The following PHKB variants were observed in gnomAD, a reference collection of about 807,000 sequenced individuals.
PHKB encodes phosphorylase b kinase regulatory subunit beta.
A neutral mutation model predicts 152.1 loss-of-function variants in PHKB; 122 were observed. That is an observed-to-expected ratio of 0.80 (90% confidence interval 0.69 to 0.93). The LOEUF is 0.93. Among genes scored for constraint, PHKB ranks in the 40% least tolerant of loss-of-function variants. PHKB has a pLI of 0.00. For missense variants in PHKB, 1,304 were observed against 1,328.4 expected (o/e 0.98, Z 0.29); for synonymous variants, 436 against 464.9 (o/e 0.94, Z 0.80).
chr16:47,524,445 GCTGT>G (rs1171817558), intron 6 of PHKB, among the ~76,000 whole-genome samples: 1 of 152,060 alleles, frequency 6.6e-6, no homozygotes, highest in Admixed American at 6.6e-5. Context: ...ACTTTTAATG[GCTGT>G]CTGACATTCT....
At chr16:47,496,114 TA>T (rs1179890126) in intron 1 of PHKB, among the ~76,000 whole-genome samples, 1 of 151,944 alleles carries the variant, frequency 6.6e-6, no homozygotes, top group African/African-American at 2.4e-5. Flanking sequence ...AACAGAATCT[TA>T]ATCTGTGCCA....
intron 6 of PHKB, among the ~76,000 whole-genome samples, chr16:47,517,501 C>T (rs1322131190): frequency 1.3e-5 from 2 of 152,260 alleles, no homozygotes; most frequent in East Asian, 3.9e-4. Flanking sequence ...AAGCAATCAG[C>T]CCACCTCAGT....
intron 4 of PHKB, among the ~76,000 whole-genome samples, chr16:47,506,766 G>C (rs1970426774): frequency 1.3e-5 from 2 of 152,156 alleles, no homozygotes; most frequent in African/African-American, 4.8e-5. Context: ...GAGAAGAATT[G>C]TTTTGGGCCA....
intron 6 of PHKB, among the ~76,000 whole-genome samples, chr16:47,544,337 C>T (rs984727087): frequency 2.6e-5 from 4 of 152,142 alleles, no homozygotes; most frequent in East Asian, 1.9e-4. Context: ...GCCTTCATTT[C>T]GTTATGTACC....
chr16:47,577,498 T>G (rs1057294800), intron 7 of PHKB, among the ~76,000 whole-genome samples: 6 of 152,176 alleles, frequency 3.9e-5, no homozygotes, highest in African/African-American at 1.4e-4. Flanking sequence ...TTTAAAAAAT[T>G]ACCTTTCTGT....
At chr16:47,622,198 A>G (rs1972629111) in intron 14 of PHKB, among the ~76,000 whole-genome samples, 1 of 152,194 alleles carries the variant, frequency 6.6e-6, no homozygotes, top group African/African-American at 2.4e-5. Context: ...AAGGAAAGAA[A>G]TCTCAGTTAT....
intron 14 of PHKB, among the ~76,000 whole-genome samples, chr16:47,639,947 G>A (rs1972987609): frequency 6.6e-6 from 1 of 152,070 alleles, no homozygotes; most frequent in Non-Finnish European, 1.5e-5. Flanking sequence ...TTAATTGTGA[G>A]GTCTTTATCA....
chr16:47,560,319 G>T (rs1396383801), intron 7 of PHKB, among the ~76,000 whole-genome samples: 1 of 152,198 alleles, frequency 6.6e-6, no homozygotes, highest in African/African-American at 2.4e-5. Flanking sequence ...GCAAAGAAAT[G>T]TTGAGAGATA....
chr16:47,681,818 G>A (rs980159897), intron 26 of PHKB, among the ~76,000 whole-genome samples: 1 of 152,186 alleles, frequency 6.6e-6, no homozygotes, highest in Non-Finnish European at 1.5e-5. Flanking sequence ...TCATTATGAT[G>A]TTAGCTGGTT....
intron 14 of PHKB, among the ~76,000 whole-genome samples, chr16:47,640,724 A>T (rs1973003325): frequency 6.6e-6 from 1 of 152,158 alleles, no homozygotes; most frequent in African/African-American, 2.4e-5. Context: ...GAGTTAAATG[A>T]TGGAAAATGA....
Position 47,521,916 on chromosome 16 carries a change from G to A in PHKB, c.594+6315G>A, listed in dbSNP as rs181874855. 5.5e-4 allele frequency among the ~76,000 whole-genome samples: 84 copies of A among 152,056 alleles called. No homozygotes were observed. The East Asian group carries it at 0.014, about 26-fold the overall frequency. On this transcript the variant is annotated intron_variant, in intron 6 of 30. Transcript: ENST00000323584. ...AAAATATCTGGGATAAATCTTACTT[G>A]GTCATGATGTATAATCCTTTTTAAA...
chr16:47,491,592 TCA>T (rs1970151399), intron 1 of PHKB, among the ~76,000 whole-genome samples: 1 of 152,198 alleles, frequency 6.6e-6, no homozygotes, highest in Admixed American at 6.5e-5. Flanking sequence ...TTTATAGACA[TCA>T]CACTCAACAC....
rs890008649 is a variant in PHKB at position 47,603,202 on chromosome 16, G to T, written c.1363+6671G>T. 2.0e-5 allele frequency among the ~76,000 whole-genome samples: 3 copies of T among 152,190 alleles called. No individual in the cohort carries two copies. The East Asian group carries it at 5.8e-4, about 29-fold the overall frequency. ...CTTTGATCTGTTGTCTTCAAATGCA[G>T]TTGACTCTTCAGGATAGCACGTGGT... On this transcript the variant is annotated intron_variant, in intron 13 of 30. Transcript: ENST00000323584.
intron 26 of PHKB, among the ~76,000 whole-genome samples, chr16:47,683,532 C>T (rs1287395380): frequency 3.3e-5 from 5 of 152,166 alleles, no homozygotes; most frequent in African/African-American, 4.8e-5. Flanking sequence ...TAGCAATCAG[C>T]GAGACTCCGT....
chr16:47,608,354 T>C (rs1972365598), intron 13 of PHKB, among the ~76,000 whole-genome samples: 1 of 152,352 alleles, frequency 6.6e-6, no homozygotes, highest in Non-Finnish European at 1.5e-5. Context: ...ATTTTATATA[T>C]GGTGTGAGGA....
intron 7 of PHKB, among the ~76,000 whole-genome samples, chr16:47,564,450 A>C (rs921962469): frequency 6.6e-5 from 10 of 151,720 alleles, no homozygotes; most frequent in Non-Finnish European, 1.2e-4. Flanking sequence ...CATTTTTTTC[A>C]TGTTGGTTGG....
In PHKB at chr16:47,699,409, G is replaced by A. The variant is rs989493519; in HGVS notation, c.*43G>A. 17 of 1,607,678 alleles carry A rather than the reference G, an allele frequency of 1.1e-5. No individual in the cohort carries two copies. The highest frequency in any genetic ancestry group is 5.0e-5 in the Admixed American group (3 of 59,996). ...GCTCTGTTGAGACACATGTTCTGAAGTGTGTTGTGTTTCATGTTCAAGCTT... is the reference window on the plus strand; with the variant it reads ...GCTCTGTTGAGACACATGTTCTGAAATGTGTTGTGTTTCATGTTCAAGCTT... On this transcript the variant is annotated 3_prime_UTR_variant, in exon 31 of 31. Transcript: ENST00000323584.
chr16:47,543,534 T>G (rs1281166418), intron 6 of PHKB, among the ~76,000 whole-genome samples: 1 of 152,208 alleles, frequency 6.6e-6, no homozygotes, highest in East Asian at 1.9e-4. Context: ...TAGAGAGGAT[T>G]CCCTCTTTCT....
At chr16:47,679,602 A>T (rs1439147836) in intron 26 of PHKB, among the ~76,000 whole-genome samples, 1 of 152,040 alleles carries the variant, frequency 6.6e-6, no homozygotes, top group East Asian at 1.9e-4. Flanking sequence ...AATGCTTGTG[A>T]TTTTGCACAT....
Sources: gnomAD v4.1 joint callset for allele counts (sites outside exome capture counted in the v4.1 genomes callset) on GRCh38, gnomAD v4.1.1 for gene constraint, MANE v1.5 for transcripts, NCBI Gene and HGNC (gene_info 2026-07-23, HGNC 2026-07-21) for gene names.